PTPRD: variants seen among roughly 807,000 people sequenced by gnomAD.
PTPRD encodes receptor-type tyrosine-protein phosphatase delta.
A neutral mutation model predicts 214.5 loss-of-function variants in PTPRD; 34 were observed. The ratio of observed to expected loss-of-function variants is 0.16; its 90% CI spans 0.12 to 0.21. PTPRD has a LOEUF of 0.21. PTPRD is among the 10% of genes least tolerant of loss of function. PTPRD has a pLI of 1.00. For missense variants in PTPRD, 2,545 were observed against 2,398.7 expected, an observed-to-expected ratio of 1.06 and a Z score of -1.27; for synonymous variants, 1,128 against 845.7, an observed-to-expected ratio of 1.33 and a Z score of -5.79.
chr9:9,065,265 T>C (rs2099725003), intron 10 of PTPRD, among the ~76,000 whole-genome samples: 1 of 152,090 alleles, frequency 6.6e-6, no homozygotes. Flanking sequence ...GGGATTATGT[T>C]TGAAATAGAG....
At chr9:9,377,172 C>T (rs1265924926) in intron 9 of PTPRD, among the ~76,000 whole-genome samples, 2 of 151,894 alleles carry the variant, frequency 1.3e-5, no homozygotes, top group Non-Finnish European at 2.9e-5. Flanking sequence ...TATGCATAAA[C>T]TAATCATGTA....
At chr9:9,930,304 T>C (rs1407150775) in intron 5 of PTPRD, among the ~76,000 whole-genome samples, 1 of 152,084 alleles carries the variant, frequency 6.6e-6, no homozygotes, top group Admixed American at 6.5e-5. Flanking sequence ...AGTGAGATCA[T>C]TCAAATAGAA....
intron 43 of PTPRD, among the ~76,000 whole-genome samples, chr9:8,332,899 A>C (rs1010196528): frequency 5.9e-5 from 9 of 152,192 alleles, no homozygotes; most frequent in African/African-American, 2.2e-4. Flanking sequence ...TTCTGTTAAC[A>C]CATTATTTCC....
intron 17 of PTPRD, 128 bp from the exon 18 acceptor site, chr9:8,525,163 C>T: frequency 2.5e-6 from 2 of 811,544 alleles, no homozygotes; most frequent in South Asian, 2.7e-5. Flanking sequence ...GATTCAATCT[C>T]TTGCTAAGTT....
intron 3 of PTPRD, among the ~76,000 whole-genome samples, chr9:10,166,419 C>A (rs982717444): frequency 6.6e-6 from 1 of 151,454 alleles, no homozygotes; most frequent in African/African-American, 2.4e-5. Flanking sequence ...CATAGATATT[C>A]AAAAAGAAGC....
At chr9:8,673,415 C>T (rs929869697) in intron 12 of PTPRD, among the ~76,000 whole-genome samples, 2 of 152,120 alleles carry the variant, frequency 1.3e-5, no homozygotes, top group East Asian at 1.9e-4. Context: ...GCACTTAACA[C>T]ATTTTTCATG....
intron 9 of PTPRD, among the ~76,000 whole-genome samples, chr9:9,204,906 A>G (rs1358202871): frequency 6.6e-6 from 1 of 152,176 alleles, no homozygotes; most frequent in Admixed American, 6.5e-5. Context: ...AGTTCATAAG[A>G]CAACTTATTG....
chr9:8,827,441 T>C (rs2097198759), intron 11 of PTPRD, among the ~76,000 whole-genome samples: 1 of 152,020 alleles, frequency 6.6e-6, no homozygotes. Flanking sequence ...ACCCCATCTC[T>C]ACTAAAAATA....
chr9:8,820,507 GTGTT>G (rs902355775), intron 11 of PTPRD, among the ~76,000 whole-genome samples: 2 of 152,116 alleles, frequency 1.3e-5, no homozygotes, highest in African/African-American at 2.4e-5. Flanking sequence ...AAGAAAGTAA[GTGTT>G]TGGTGTTTCA....
chr9:9,972,633 G>T (rs1285284307), intron 4 of PTPRD, among the ~76,000 whole-genome samples: 1 of 152,132 alleles, frequency 6.6e-6, no homozygotes, highest in Non-Finnish European at 1.5e-5. Context: ...TTTGGAGGTT[G>T]GAAATCCAAT....
chr9:9,981,692 G>A (rs940609166), intron 4 of PTPRD, among the ~76,000 whole-genome samples: 13 of 152,108 alleles, frequency 8.5e-5, no homozygotes, highest in African/African-American at 3.1e-4. Context: ...GAGTGCAAGC[G>A]CATTAAATTG....
At chr9:9,895,270 G>A (rs1276683734) in intron 5 of PTPRD, among the ~76,000 whole-genome samples, 3 of 149,192 alleles carry the variant, frequency 2.0e-5, no homozygotes, top group Admixed American at 6.6e-5. Context: ...AAAAGGAACA[G>A]AAAATAAAAT....
chr9:8,996,014 A>G lies in PTPRD; in HGVS notation c.-104+22683T>C, dbSNP rs532642759. 7.2e-5 allele frequency among the ~76,000 whole-genome samples: 11 copies of G among 152,246 alleles called. No homozygotes were observed. The East Asian group carries it at 1.9e-3, about 27-fold the overall frequency. On this transcript the variant is annotated intron_variant, in intron 11 of 45. Transcript: ENST00000381196. ...ATAAAATATTGCTGATATTAATTCA[A>G]AATAGGAATGCTATTTTGAAAAACA... is the stretch of plus-strand genomic sequence containing the variant.
intron 11 of PTPRD, among the ~76,000 whole-genome samples, chr9:8,986,373 C>T (rs1458830340): frequency 4.0e-5 from 6 of 151,760 alleles, no homozygotes; most frequent in Admixed American, 3.9e-4. Flanking sequence ...GAAAACAGAA[C>T]CACTAAAATA....
At position 8,832,408 on chromosome 9, in the gene PTPRD, A is replaced by ACCT. The variant is rs1407542882; in HGVS notation, c.-103-98463_-103-98462insAGG. Reference sequence around the variant, plus strand: ...TGTAAAGCAAGGGGCAGCTAAAATCATCTTTTTTTTTTTTTTTTTTTGTCA... The same window carrying ACCT: ...TGTAAAGCAAGGGGCAGCTAAAATCACCTTCTTTTTTTTTTTTTTTTTTTGTCA... On this transcript the variant is annotated intron_variant, in intron 11 of 45. Coordinates refer to ENST00000381196, the MANE Select transcript of PTPRD (RefSeq NM_002839.4). 4.9e-4 allele frequency among the ~76,000 whole-genome samples: 31 copies of ACCT among 62,942 alleles called. 1 individual carries two copies. Among genetic ancestry groups the ACCT allele is most frequent in the African/African-American group, 2.1e-3 (28 of 13,096 alleles). 41.3% of individuals were successfully genotyped at this position (62,942 alleles called of 152,430 possible).
chr9:9,135,100 T>C (rs2099848846), intron 10 of PTPRD, among the ~76,000 whole-genome samples: 1 of 152,166 alleles, frequency 6.6e-6, no homozygotes, highest in Non-Finnish European at 1.5e-5. Context: ...TTCCTTGAGG[T>C]AAAGGGTAGT....
At chr9:9,125,105 G>GA (rs973820908) in intron 10 of PTPRD, among the ~76,000 whole-genome samples, 15 of 151,812 alleles carry the variant, frequency 9.9e-5, no homozygotes, top group African/African-American at 2.4e-4. Flanking sequence ...AATGTAAAAA[G>GA]AAAAAAACCC....
intron 44 of PTPRD, among the ~76,000 whole-genome samples, chr9:8,321,875 C>A (rs1038827070): frequency 6.6e-6 from 1 of 151,870 alleles, no homozygotes; most frequent in Admixed American, 6.6e-5. Flanking sequence ...ACAAATTGAA[C>A]GTCTGTGTCA....
At chr9:10,366,702 A>G (rs2154474562) in intron 2 of PTPRD, among the ~76,000 whole-genome samples, 1 of 152,276 alleles carries the variant, frequency 6.6e-6, no homozygotes, top group Non-Finnish European at 1.5e-5. Context: ...CCATTTGCTC[A>G]CAACTCAGCT....
Sources: gnomAD v4.1 joint callset for allele counts (sites outside exome capture counted in the v4.1 genomes callset) on GRCh38, gnomAD v4.1.1 for gene constraint, MANE v1.5 for transcripts, NCBI Gene and HGNC (gene_info 2026-07-23, HGNC 2026-07-21) for gene names.